Variants in TANGO6 observed in about 807,000 individuals in gnomAD.
TANGO6 encodes the protein transport and golgi organization 6 homolog, also known as transport and Golgi organization protein 6 homolog.
Under a neutral mutation model 114.2 loss-of-function variants are expected in TANGO6, and 90 were observed. The observed-to-expected ratio is 0.79, with a 90% CI of 0.66 to 0.94. The LOEUF is 0.94. TANGO6 is among the 40% of genes least tolerant of loss of function. The pLI is 0.00. For missense variants in TANGO6, 1,274 were observed against 1,315.3 expected (o/e 0.97, Z 0.49); for synonymous variants, 477 against 509.8 (o/e 0.94, Z 0.87).
chr16:68,916,281 T>C (rs1392853238), intron 11 of TANGO6, among the ~76,000 whole-genome samples: 1 of 152,180 alleles, frequency 6.6e-6, no homozygotes, highest in African/African-American at 2.4e-5. Context: ...CTTTACCACC[T>C]GAGCGCCGCC....
chr16:68,875,291 G>A lies in TANGO6; in HGVS notation c.1131+1G>A, dbSNP rs767878672. 1 of 1,611,542 alleles carries A rather than the reference G, an allele frequency of 6.2e-7. No individual in the cohort carries two copies. Among genetic ancestry groups the A allele is most frequent in the Non-Finnish European group, 8.5e-7 (1 of 1,178,390 alleles). ...TTACTACAGGGACATCTGCCCCCAGGTAAATCTTTTTGTTTCTATTGATCA... is the reference window on the plus strand; with the variant it reads ...TTACTACAGGGACATCTGCCCCCAGATAAATCTTTTTGTTTCTATTGATCA... On this transcript the variant is annotated splice_donor_variant, in intron 5 of 17. Coordinates refer to ENST00000261778, the MANE Select transcript of TANGO6 (RefSeq NM_024562.2). LOFTEE classifies it high-confidence loss of function.
intron 9 of TANGO6, among the ~76,000 whole-genome samples, chr16:68,902,714 TTAC>T (rs1487277258): frequency 6.6e-6 from 1 of 152,198 alleles, no homozygotes; most frequent in Non-Finnish European, 1.5e-5. Flanking sequence ...TTGGTGCAAT[TTAC>T]TGGAGCCTCA....
chr16:68,914,256 GGTTCAAGC>G (rs1019622788), intron 11 of TANGO6, among the ~76,000 whole-genome samples: 1 of 152,182 alleles, frequency 6.6e-6, no homozygotes, highest in Non-Finnish European at 1.5e-5. Context: ...CTGCCTCCCT[GGTTCAAGC>G]GATTTTCCTG....
chr16:68,992,051 A>G (rs78593870), intron 15 of TANGO6, among the ~76,000 whole-genome samples: 2,817 of 152,236 alleles, frequency 0.019, 46 homozygotes, highest in Middle Eastern at 0.048. Flanking sequence ...CCCAGCAACT[A>G]TTCTCACAGA....
At position 69,072,083 on chromosome 16, in the gene TANGO6, CGTGT is replaced by C. The variant is rs142254866; in HGVS notation, c.3109-11389_3109-11386del. ...TGTGTGTGTGTAGAGAGAGGGAGAC[CGTGT>C]GTGTGTGTGTGTATGTGTGAAGAGA... On this transcript the variant is annotated intron_variant, in intron 17 of 17. Coordinates refer to ENST00000261778, the MANE Select transcript of TANGO6 (RefSeq NM_024562.2). 5.0e-3 allele frequency among the ~76,000 whole-genome samples: 326 copies of C among 65,062 alleles called. 6 individuals are homozygous for C. The highest frequency in any genetic ancestry group is 0.018 in the African/African-American group (292 of 16,068). 42.7% of individuals were successfully genotyped at this position (65,062 alleles called of 152,430 possible).
intron 14 of TANGO6, among the ~76,000 whole-genome samples, chr16:68,971,183 G>A (rs989470210): frequency 6.6e-6 from 1 of 151,714 alleles, no homozygotes; most frequent in African/African-American, 2.4e-5. Flanking sequence ...TATGATAGCT[G>A]CAAATCTGTA....
intron 14 of TANGO6, among the ~76,000 whole-genome samples, chr16:68,934,450 CAA>C (rs1202989705): frequency 2.0e-5 from 3 of 152,094 alleles, no homozygotes; most frequent in African/African-American, 4.8e-5. Flanking sequence ...GAGAATTATT[CAA>C]AGAGACAAAA....
At chr16:68,929,111 G>A (rs558186846) in intron 13 of TANGO6, among the ~76,000 whole-genome samples, 6 of 151,948 alleles carry the variant, frequency 3.9e-5, no homozygotes, top group Non-Finnish European at 8.8e-5. Context: ...TTGAGATGAG[G>A]TTTCACCATG....
intron 16 of TANGO6, 145 bp downstream of exon 16, chr16:69,023,124 T>C: frequency 1.2e-6 from 1 of 824,860 alleles, no homozygotes; most frequent in Admixed American, 3.3e-5. Context: ...CCATTGAACT[T>C]CCCAAGGCTT....
intron 17 of TANGO6, among the ~76,000 whole-genome samples, chr16:69,065,271 C>T (rs1288103615): frequency 6.6e-6 from 1 of 152,212 alleles, no homozygotes; most frequent in East Asian, 1.9e-4. Flanking sequence ...GGGCAGCATG[C>T]CTCAGCATAA....
In TANGO6 at chr16:68,853,426, C is replaced by A. The variant is rs568919318; in HGVS notation, c.95-6458C>A. ...ATTATCCCAGAAAGTTCCCTTCTGC[C>A]CTTTCACAATCATTTCCCACTCCTG... On this transcript the variant is annotated intron_variant, in intron 1 of 17. Coordinates refer to ENST00000261778, the MANE Select transcript of TANGO6 (RefSeq NM_024562.2). 7.2e-5 allele frequency among the ~76,000 whole-genome samples: 11 copies of A among 152,120 alleles called. 1 individual carries two copies. The highest frequency in any genetic ancestry group is 5.9e-4 in the Admixed American group (9 of 15,266).
chr16:69,017,793 C>G (rs182335307), intron 15 of TANGO6, among the ~76,000 whole-genome samples: 1 of 152,252 alleles, frequency 6.6e-6, no homozygotes, highest in East Asian at 1.9e-4. Flanking sequence ...ATCTCTAACT[C>G]TGGATCCTCA....
intron 17 of TANGO6, among the ~76,000 whole-genome samples, chr16:69,067,379 G>C (rs1014519767): frequency 6.6e-6 from 1 of 151,578 alleles, no homozygotes; most frequent in African/African-American, 2.4e-5. Context: ...GCGTGTTGGC[G>C]GGTGCCTGTA....
Position 68,927,850 on chromosome 16 carries a change from G to GC in TANGO6, c.2416dup (p.Gln806ProfsTer17), listed in dbSNP as rs1963188772. The GC allele has an allele frequency of 6.2e-7, 1 of 1,613,938 alleles. No homozygotes were observed. Among genetic ancestry groups the GC allele is most frequent in the Non-Finnish European group, 8.5e-7 (1 of 1,179,878 alleles). ...TGAACAACAGCAGAGCCATGAGACAGCCCCCCAGACAGGCCTGCAGTCAAA... is the reference window on the plus strand; with the variant it reads ...TGAACAACAGCAGAGCCATGAGACAGCCCCCCCAGACAGGCCTGCAGTCAAA... On this transcript the variant is annotated frameshift_variant, in exon 13 of 18. Transcript: ENST00000261778. LOFTEE classifies it high-confidence loss of function.
intron 14 of TANGO6, among the ~76,000 whole-genome samples, chr16:68,969,850 T>C (rs746223229): frequency 1.3e-4 from 20 of 152,194 alleles, no homozygotes; most frequent in Non-Finnish European, 2.5e-4. Context: ...GTCCCGGAGC[T>C]GAAAAGATGC....
chr16:68,859,753 G>A lies in TANGO6; in HGVS notation c.95-131G>A, dbSNP rs1962058912. ...ATAGGCTGGGTTGGTACCCCTGGGG[G>A]AGGCTTTCCAGAGCCAGTGACAGTG... is the stretch of plus-strand genomic sequence containing the variant. On this transcript the variant is annotated intron_variant, in intron 1 of 17. Transcript: ENST00000261778. 3.8e-6 allele frequency: 4 copies of A among 1,046,474 alleles called. No homozygotes were observed. In the South Asian group the frequency reaches 7.3e-5, roughly 19 times the overall value. The allele number at this position is 1,046,474 out of a possible 1,614,324, so 64.8% of individuals were successfully genotyped here.
intron 17 of TANGO6, among the ~76,000 whole-genome samples, chr16:69,055,645 G>C (rs1337383915): frequency 2.0e-5 from 3 of 152,246 alleles, no homozygotes; most frequent in Non-Finnish European, 4.4e-5. Flanking sequence ...GCTGGGGCCA[G>C]TGCCTAGGAC....
At chr16:68,924,996 G>A (rs1232754087) in intron 12 of TANGO6, among the ~76,000 whole-genome samples, 1 of 151,872 alleles carries the variant, frequency 6.6e-6, no homozygotes, top group African/African-American at 2.4e-5. Flanking sequence ...CCAGGATTGA[G>A]AACTCTGTGG....
At chr16:69,078,292 T>C (rs1472809869) in intron 17 of TANGO6, among the ~76,000 whole-genome samples, 1 of 152,204 alleles carries the variant, frequency 6.6e-6, no homozygotes, top group Non-Finnish European at 1.5e-5. Context: ...CCTGACTTCC[T>C]GCCTTCACTC....
Sources: allele counts gnomAD v4.1 joint callset (sites outside exome capture counted in the v4.1 genomes callset), GRCh38; gene constraint gnomAD v4.1.1; transcripts MANE v1.5; gene names NCBI Gene and HGNC (gene_info 2026-07-23, HGNC 2026-07-21).